Variants in REV3L observed in about 807,000 individuals in gnomAD.
The protein encoded by REV3L is REV3 like, DNA directed polymerase zeta catalytic subunit.
Under a neutral mutation model 299.4 loss-of-function variants are expected in REV3L, and 69 were observed. The observed-to-expected ratio is 0.23, with a 90% CI of 0.19 to 0.28. The LOEUF (loss-of-function observed/expected upper bound fraction) is 0.28. REV3L is among the 10% of genes least tolerant of loss of function. The pLI is 1.00. For synonymous variants in REV3L, 1,238 were observed against 1,271.4 expected, an observed-to-expected ratio of 0.97 and a Z score of 0.56; for missense variants, 3,128 against 3,693.8, an observed-to-expected ratio of 0.85 and a Z score of 3.97.
In REV3L at chr6:111,374,865, T is replaced by C. The variant is rs1780142588; in HGVS notation, c.3490A>G (p.Ile1164Val). ...GCTCTTGCGCGACTAGTTTTTCCTATACGAGAATTAACAGTCTTCTTATAT... is the reference window on the plus strand; with the variant it reads ...GCTCTTGCGCGACTAGTTTTTCCTACACGAGAATTAACAGTCTTCTTATAT... ...NVYKKTVNSR[I>V]GKTSRARAQI... Residue 1164 changes from isoleucine to valine, a missense_variant, in exon 13 of 32, where the codon ATA becomes GTA. By Grantham distance (29) the Ile-to-Val change is conservative. This residue lies in a region of REV3L where 2,409 missense variants were observed against 2,611.8 expected (regional missense o/e 0.92). Coordinates refer to ENST00000368802, the MANE Select transcript of REV3L (RefSeq NM_001372078.1). 5 of 1,613,898 alleles carry C rather than the reference T, an allele frequency of 3.1e-6. No homozygotes were observed. Among genetic ancestry groups the C allele is most frequent in the Non-Finnish European group, 4.2e-6 (5 of 1,179,916 alleles).
intron 3 of REV3L, among the ~76,000 whole-genome samples, chr6:111,406,083 T>C (rs922238841): frequency 4.6e-5 from 7 of 152,270 alleles, no homozygotes; most frequent in African/African-American, 1.7e-4. Context: ...GACAATTATA[T>C]ACAGCATAGT....
intron 9 of REV3L, among the ~76,000 whole-genome samples, chr6:111,381,875 T>C (rs1780865834): frequency 6.6e-6 from 1 of 152,226 alleles, no homozygotes; most frequent in South Asian, 2.1e-4. Flanking sequence ...TGCTCATTAT[T>C]TGACACATGT....
At chr6:111,311,427 T>C (rs1772962402) in intron 28 of REV3L, 168 bp from the exon 29 acceptor site, 7 of 471,248 alleles carry the variant, frequency 1.5e-5, no homozygotes, top group Non-Finnish European at 2.5e-5. Flanking sequence ...GAAAGTTATT[T>C]GAGACTTTAG....
chr6:111,431,329 A>G, intron 1 of REV3L: 1 of 1,100,604 alleles, frequency 9.1e-7, no homozygotes, highest in South Asian at 1.2e-5. Context: ...TGGAGATTAC[A>G]GAAGTAGAGC....
chr6:111,439,911 T>C (rs867525637), intron 1 of REV3L, among the ~76,000 whole-genome samples: 1 of 152,218 alleles, frequency 6.6e-6, no homozygotes, highest in Non-Finnish European at 1.5e-5. Flanking sequence ...GAAATTGGGC[T>C]ATACAATTTT....
At chr6:111,464,796 G>T (rs1309457479) in intron 1 of REV3L, among the ~76,000 whole-genome samples, 7 of 152,256 alleles carry the variant, frequency 4.6e-5, no homozygotes, top group Non-Finnish European at 1.5e-5. Flanking sequence ...GAGCTCAGGA[G>T]TTCAAGACCA....
At chr6:111,318,013 T>C (rs1773716706) in intron 26 of REV3L, among the ~76,000 whole-genome samples, 1 of 152,202 alleles carries the variant, frequency 6.6e-6, no homozygotes. Flanking sequence ...TTTTGCAGTT[T>C]TGGACTATTA....
chr6:111,423,537 A>AGTGT (rs771006186), intron 1 of REV3L, among the ~76,000 whole-genome samples: 2 of 151,466 alleles, frequency 1.3e-5, no homozygotes, highest in Non-Finnish European at 3.0e-5. Flanking sequence ...AGAGAAAAAC[A>AGTGT]GTGTGTGTGT....
At position 111,329,627 on chromosome 6, in the gene REV3L, T is replaced by C. The variant is rs1172529317; in HGVS notation, c.8146A>G (p.Met2716Val). 2 of 1,614,172 alleles carry C rather than the reference T, an allele frequency of 1.2e-6. No homozygotes were observed. The highest frequency in any genetic ancestry group is 1.7e-6 in the Non-Finnish European group (2 of 1,180,038). Residue 2716 changes from methionine to valine, a missense_variant, in exon 25 of 32, where the codon ATG (methionine) becomes GTG (valine). Transcript: ENST00000368802. ...AYKQDRALSR[M>V]LDARQLGLKL... ...AGTCCCAACTGACGCGCATCAAGCATTCGTGACAGGGCTCTGTCTTGCTTG... is the reference window on the plus strand; with the variant it reads ...AGTCCCAACTGACGCGCATCAAGCACTCGTGACAGGGCTCTGTCTTGCTTG...
chr6:111,339,795 C>T lies in REV3L; in HGVS notation c.7538+4130G>A, dbSNP rs1037901452. 2.0e-5 allele frequency among the ~76,000 whole-genome samples: 3 copies of T among 152,092 alleles called. No individual in the cohort carries two copies. The East Asian group carries it at 5.8e-4, about 29-fold the overall frequency. ...ATAAAATCATCATCCTTTCTACTTT[C>T]GGGTCCTATCTGACTAACCATATAA... On this transcript the variant is annotated intron_variant, in intron 21 of 31. Transcript: ENST00000368802.
intron 20 of REV3L, among the ~76,000 whole-genome samples, chr6:111,347,600 G>C (rs920448032): frequency 1.3e-5 from 2 of 152,264 alleles, no homozygotes; most frequent in South Asian, 4.2e-4. Context: ...TGAAGAATTA[G>C]CTTTCTTTTA....
At chr6:111,388,451 T>G (rs1341482971) in intron 7 of REV3L, among the ~76,000 whole-genome samples, 4 of 152,196 alleles carry the variant, frequency 2.6e-5, no homozygotes, top group Admixed American at 6.5e-5. Flanking sequence ...ACATTTTTAG[T>G]GCCTAAGATA....
In REV3L at chr6:111,311,219, T is replaced by G; in HGVS notation, c.8645A>C (p.Asp2882Ala). The change falls in exon 29 of 32, where the codon GAT (aspartate) becomes GCT (alanine). Residue 2882 changes from aspartate (D) to alanine (A), a missense_variant. By Grantham distance (126) the Asp-to-Ala change is moderately radical. Around this residue, in one of 9 missense-constraint regions of REV3L, gnomAD observed 294 missense variants for 377.0 expected, o/e 0.78. Transcript: ENST00000368802. ...AACATACTGTTTAATTAGACTTATATCTCTCGTTTCAAATAGCAGCTTTAG... is the reference window on the plus strand; with the variant it reads ...AACATACTGTTTAATTAGACTTATAGCTCTCGTTTCAAATAGCAGCTTTAG... ...RSLKLLFETR[D>A]ISLIKQYVQR... is the part of the protein sequence containing the mutation. 1.2e-6 allele frequency: 2 copies of G among 1,611,644 alleles called. No individual in the cohort carries two copies. The highest frequency in any genetic ancestry group is 1.7e-6 in the Non-Finnish European group (2 of 1,179,048).
intron 4 of REV3L, among the ~76,000 whole-genome samples, chr6:111,398,353 T>C (rs977342979): frequency 2.0e-5 from 3 of 151,768 alleles, no homozygotes; most frequent in Admixed American, 2.0e-4. Flanking sequence ...GTTAAAAAAA[T>C]ATAAAATGCT....
intron 21 of REV3L, among the ~76,000 whole-genome samples, chr6:111,337,227 AT>A: frequency 6.6e-6 from 1 of 152,206 alleles, no homozygotes; most frequent in East Asian, 1.9e-4. Flanking sequence ...CCAGTGAATT[AT>A]ATACTTTAAA....
intron 1 of REV3L, among the ~76,000 whole-genome samples, chr6:111,467,580 G>A (rs1199468277): frequency 6.6e-6 from 1 of 152,210 alleles, no homozygotes; most frequent in Admixed American, 6.5e-5. Context: ...TTCAGGGAAA[G>A]AGTTGCATCT....
chr6:111,304,941 TC>T (rs1223490288), intron 31 of REV3L, among the ~76,000 whole-genome samples: 1 of 149,926 alleles, frequency 6.7e-6, no homozygotes, highest in East Asian at 1.9e-4. Context: ...TGTTCTTTGT[TC>T]TTTTTTTTTT....
chr6:111,351,648 A>G, intron 19 of REV3L, 28 bp downstream of exon 19: 1 of 1,546,760 alleles, frequency 6.5e-7, no homozygotes, highest in Middle Eastern at 1.7e-4. Flanking sequence ...CTGTAGTTGA[A>G]TGACAAAACA....
chr6:111,389,983 C>G, intron 6 of REV3L, 103 bp downstream of exon 6: 2 of 697,290 alleles, frequency 2.9e-6, no homozygotes, highest in Non-Finnish European at 2.5e-6. Flanking sequence ...ATCCACCCAC[C>G]TTGGCCTCCC....
Sources: gnomAD v4.1 joint callset for allele counts (sites outside exome capture counted in the v4.1 genomes callset) on GRCh38, gnomAD v4.1.1 for gene constraint, gnomAD v4.1.1 regional missense constraint, MANE v1.5 for transcripts, NCBI Gene and HGNC (gene_info 2026-07-23, HGNC 2026-07-21) for gene names.